Variants in GNA13 observed in about 807,000 individuals in gnomAD.
GNA13 encodes G protein subunit alpha 13.
In GNA13, 4 loss-of-function variants were observed where a neutral mutation model predicts 33.5. The ratio of observed to expected loss-of-function variants is 0.12; its 90% CI spans 0.06 to 0.27. The LOEUF (loss-of-function observed/expected upper bound fraction) is 0.27. Ranked by LOEUF, GNA13 falls within the 10% of genes least tolerant of loss-of-function variation. The pLI is 1.00. For missense variants in GNA13, 319 were observed against 487.2 expected (o/e 0.65, Z 3.25); for synonymous variants, 176 against 183.8 (o/e 0.96, Z 0.34).
At chr17:65,036,203 C>G (rs1907239959) in intron 2 of GNA13, among the ~76,000 whole-genome samples, 1 of 152,196 alleles carries the variant, frequency 6.6e-6, no homozygotes, top group African/African-American at 2.4e-5. Context: ...CCTTCACAGT[C>G]AGGCAGCAAA....
At chr17:65,020,716 T>C (rs1906551884) in intron 2 of GNA13, among the ~76,000 whole-genome samples, 2 of 151,748 alleles carry the variant, frequency 1.3e-5, no homozygotes, top group South Asian at 4.2e-4. Flanking sequence ...AATGGCGCGA[T>C]CTTGGCTCAA....
At chr17:65,023,077 C>A (rs1028109241) in intron 2 of GNA13, among the ~76,000 whole-genome samples, 1 of 152,170 alleles carries the variant, frequency 6.6e-6, no homozygotes, top group Non-Finnish European at 1.5e-5. Flanking sequence ...GGAAGAGCTA[C>A]GTGTGAGAGT....
At chr17:65,046,961 C>A (rs115200406) in intron 2 of GNA13, among the ~76,000 whole-genome samples, 1 of 151,962 alleles carries the variant, frequency 6.6e-6, no homozygotes, top group Non-Finnish European at 1.5e-5. Flanking sequence ...CAAAAAAATG[C>A]GAACATGAAA....
intron 2 of GNA13, among the ~76,000 whole-genome samples, chr17:65,033,144 G>A (rs1002690320): frequency 2.6e-5 from 4 of 151,890 alleles, no homozygotes; most frequent in African/African-American, 4.8e-5. Context: ...TTGATGTGAT[G>A]TATAGGATAT....
At chr17:65,031,884 G>GAGAGACAGAA (rs1254619775) in intron 2 of GNA13, among the ~76,000 whole-genome samples, 1 of 129,762 alleles carries the variant, frequency 7.7e-6, no homozygotes, top group East Asian at 2.2e-4. Flanking sequence ...GAGAGAGAGA[G>GAGAGACAGAA]AGAGAGAGAG....
intron 1 of GNA13, 61 bp downstream of exon 1, chr17:65,056,250 C>CCCCCCCCGCCG: frequency 9.5e-7 from 1 of 1,054,688 alleles, no homozygotes; most frequent in Non-Finnish European, 1.4e-6. Context: ...CCCCGCCCCG[C>CCCCCCCCGCCG]ACCCGCCGCC....
chr17:65,043,127 C>T (rs1338016804), intron 2 of GNA13, among the ~76,000 whole-genome samples: 2 of 152,142 alleles, frequency 1.3e-5, no homozygotes, highest in Non-Finnish European at 2.9e-5. Context: ...TGCCTGAGCT[C>T]ACACAGCGAG....
In GNA13 at chr17:65,012,209, T is replaced by G; in HGVS notation, c.*2048A>C. ...TATGGTTCGTATCACAGATCTTAAC[T>G]ATGACTTAAGTAAGATGAAGTGTCC... On this transcript the variant is annotated 3_prime_UTR_variant, in exon 4 of 4. Transcript: ENST00000439174. 4.5e-6 allele frequency: 1 copy of G among 220,196 alleles called. No individual in the cohort carries two copies. Among genetic ancestry groups the G allele is most frequent in the Non-Finnish European group, 9.1e-6 (1 of 109,700 alleles). 13.6% of individuals were successfully genotyped at this position (220,196 alleles called of 1,614,324 possible).
intron 2 of GNA13, among the ~76,000 whole-genome samples, chr17:65,049,757 C>T (rs1210581843): frequency 6.6e-6 from 1 of 152,202 alleles, no homozygotes; most frequent in Non-Finnish European, 1.5e-5. Flanking sequence ...GCTGAAAACA[C>T]AGATCACTGG....
At chr17:65,022,993 A>C (rs1046037816) in intron 2 of GNA13, among the ~76,000 whole-genome samples, 1 of 152,246 alleles carries the variant, frequency 6.6e-6, no homozygotes, top group African/African-American at 2.4e-5. Context: ...CACAATGCTC[A>C]GTTGTTGTTT....
In GNA13 at chr17:65,056,476, G is replaced by A; in HGVS notation, c.118C>T (p.Arg40Trp). 1 of 1,613,808 alleles carries A rather than the reference G, an allele frequency of 6.2e-7. No individual in the cohort carries two copies. Among genetic ancestry groups the A allele is most frequent in the Non-Finnish European group, 8.5e-7 (1 of 1,179,910 alleles). Reference protein sequence around the residue: ...KSKEIDKCLSREKTYVKRLVK... With the variant: ...KSKEIDKCLSWEKTYVKRLVK... ...AGCCGCTTCACATAGGTCTTTTCCC[G>A]AGACAGGCATTTGTCGATCTCCTTG... The change falls in exon 1 of 4, where the codon CGG becomes TGG. Residue 40 changes from arginine to tryptophan, a missense_variant. Physicochemically the swap from Arg to Trp is moderately radical, Grantham distance 101. Transcript: ENST00000439174.
chr17:65,014,807 T>C lies in GNA13; in HGVS notation c.584A>G (p.Asp195Gly). The C allele has an allele frequency of 1.9e-6, 3 of 1,610,640 alleles. No homozygotes were observed. The highest frequency in any genetic ancestry group is 2.5e-6 in the Non-Finnish European group (3 of 1,177,550). The stretch of plus-strand genomic sequence containing the variant: ...GGTGGGTCTTCTGGCAAGCAGAATA[T>C]CTTGTTGTGATGGAATATAATCCTG... ...GEPDYIPSQQ[D>G]ILLARRPTKG... Residue 195 changes from aspartate (D) to glycine (G), a missense_variant, in exon 4 of 4, where the codon GAT becomes GGT. Asp to Gly is a moderately conservative substitution (Grantham distance 94). Around this residue, in one of 4 missense-constraint regions of GNA13, gnomAD observed 134 missense variants for 241.3 expected, o/e 0.56. Transcript: ENST00000439174. The surrounding 1 kb of genome is among the most constrained non-coding windows in gnomAD (Gnocchi z 5.3).
At chr17:65,055,882 C>CG (rs1908033471) in intron 1 of GNA13, 2 of 333,444 alleles carry the variant, frequency 6.0e-6, no homozygotes, top group Non-Finnish European at 8.6e-6. Context: ...TAGCGAGGTT[C>CG]GGCCCACATC....
rs1170131648 is a variant in GNA13, at chr17:65,014,551, A to G, written c.840T>C (p.Val280=). The change falls in exon 4 of 4, where the codon GTT becomes GTC. Residue 280 remains valine (V), a synonymous_variant. Transcript: ENST00000439174. This position sits in a 1 kb window ranked among gnomAD's most constrained non-coding sequence, Gnocchi z 5.3. The part of the protein sequence containing the change: ...NIFETIVNNR[V]FSNVSIILFL... ...ACAGAATTATGGAGACATTGCTGAAAACCCGGTTATTGACGATTGTTTCAA... is the reference window on the plus strand; with the variant it reads ...ACAGAATTATGGAGACATTGCTGAAGACCCGGTTATTGACGATTGTTTCAA... The G allele has an allele frequency of 6.2e-7, 1 of 1,614,060 alleles. No individual in the cohort carries two copies. Among genetic ancestry groups the G allele is most frequent in the Admixed American group, 1.7e-5 (1 of 60,000 alleles).
chr17:65,049,843 C>T (rs1413321053), intron 2 of GNA13, among the ~76,000 whole-genome samples: 1 of 152,162 alleles, frequency 6.6e-6, no homozygotes, highest in Non-Finnish European at 1.5e-5. Context: ...AACAAGCATT[C>T]CAGTCCATGG....
intron 2 of GNA13, chr17:65,052,266 G>A (rs1907883633): frequency 6.6e-6 from 1 of 152,228 alleles, no homozygotes; most frequent in African/African-American, 2.4e-5. Context: ...CGAGTCTCCT[G>A]CCTCAGCCTC....
At position 65,014,051 on chromosome 17, in the gene GNA13, G is replaced by C. The variant is rs1906280014; in HGVS notation, c.*206C>G. 2 of 550,366 alleles carry C rather than the reference G, an allele frequency of 3.6e-6. No homozygotes were observed. Among genetic ancestry groups the C allele is most frequent in the Admixed American group, 6.4e-5 (2 of 31,338 alleles). The allele number at this position is 550,366 out of a possible 1,614,324, so 34.1% of individuals were successfully genotyped here. ...GCCATGGTGAAACAGATCAAAGCCT[G>C]CATTACAGCAAATCTTGGCGATGAG... On this transcript the variant is annotated 3_prime_UTR_variant, in exon 4 of 4. Transcript: ENST00000439174. This position sits in a 1 kb window ranked among gnomAD's most constrained non-coding sequence, Gnocchi z 5.3.
Position 65,050,135 on chromosome 17 carries a change from C to T in GNA13, c.510+3367G>A, listed in dbSNP as rs556642001. The stretch of plus-strand genomic sequence containing the variant: ...TGGTGAGCCACCAAAGCTTTCTGAG[C>T]AAACCAATGCTGTGTTTGAACAAGA... On this transcript the variant is annotated intron_variant, in intron 2 of 3. Coordinates refer to ENST00000439174, the MANE Select transcript of GNA13 (RefSeq NM_006572.6). 9.9e-5 allele frequency among the ~76,000 whole-genome samples: 15 copies of T among 152,262 alleles called. No homozygotes were observed. The South Asian group carries it at 2.9e-3, about 29-fold the overall frequency.
At chr17:65,015,398 C>A (rs1042179122) in intron 3 of GNA13, among the ~76,000 whole-genome samples, 7 of 152,064 alleles carry the variant, frequency 4.6e-5, no homozygotes, top group African/African-American at 1.7e-4. Flanking sequence ...CGCGATGGCT[C>A]ACGCTTGTAA....
Sources: allele counts gnomAD v4.1 joint callset (sites outside exome capture counted in the v4.1 genomes callset), GRCh38; gene constraint gnomAD v4.1.1; regional missense constraint gnomAD v4.1.1; non-coding constraint Gnocchi (gnomAD v3.1); transcripts MANE v1.5; gene names NCBI Gene and HGNC (gene_info 2026-07-23, HGNC 2026-07-21).